Variants in CPNE4 observed in about 807,000 individuals in gnomAD.
The protein encoded by CPNE4 is copine-4.
In CPNE4, 25 loss-of-function variants were observed where a neutral mutation model predicts 67.9. That is an observed-to-expected ratio of 0.37 (90% CI 0.27 to 0.51). The LOEUF (loss-of-function observed/expected upper bound fraction) is 0.51, where lower values mean the gene tolerates loss of function less well. Among genes scored for constraint, CPNE4 ranks in the 20% least tolerant of loss-of-function variants. The probability of loss-of-function intolerance (pLI) is 0.93; values close to 1 mark genes in which losing one functional copy is unlikely to be tolerated. For missense variants in CPNE4, 464 were observed against 690.8 expected (o/e 0.67, Z 3.68); for synonymous variants, 242 against 244.9 (o/e 0.99, Z 0.11).
At chr3:131,887,924 TGA>T (rs10575166) in intron 2 of CPNE4, among the ~76,000 whole-genome samples, 43,751 of 152,022 alleles carry the variant, frequency 0.29, 7,357 homozygotes, top group Non-Finnish European at 0.37. Flanking sequence ...GTCCTTACCC[TGA>T]GAGATTGCCA....
chr3:131,773,348 T>TA, intron 2 of CPNE4, among the ~76,000 whole-genome samples: 1 of 33,480 alleles, frequency 3.0e-5, no homozygotes, highest in Non-Finnish European at 1.1e-4. Flanking sequence ...TGAAGTTTTA[T>TA]TTATTATTTA....
At chr3:131,837,680 C>A (rs1034749220) in intron 2 of CPNE4, among the ~76,000 whole-genome samples, 1 of 151,520 alleles carries the variant, frequency 6.6e-6, no homozygotes, top group African/African-American at 2.4e-5. Context: ...TATATACTAC[C>A]CTCCACCAAA....
At chr3:131,924,589 G>C (rs979830320) in intron 1 of CPNE4, among the ~76,000 whole-genome samples, 1 of 152,126 alleles carries the variant, frequency 6.6e-6, no homozygotes, top group African/African-American at 2.4e-5. Flanking sequence ...TTTAAATAGA[G>C]TAAGGCTTGA....
chr3:132,015,218 A>T (rs147452324), intron 1 of CPNE4, among the ~76,000 whole-genome samples: 261 of 152,076 alleles, frequency 1.7e-3, no homozygotes, highest in African/African-American at 6.1e-3. Context: ...TTTCTTATTT[A>T]TTGGCTCAAA....
intron 2 of CPNE4, among the ~76,000 whole-genome samples, chr3:131,756,480 A>C (rs1243266790): frequency 6.6e-6 from 1 of 152,214 alleles, no homozygotes; most frequent in Non-Finnish European, 1.5e-5. Context: ...GTCATTCCAA[A>C]GTGCCTTCAC....
intron 1 of CPNE4, among the ~76,000 whole-genome samples, chr3:131,916,139 C>T (rs1583450253): frequency 6.6e-6 from 1 of 152,222 alleles, no homozygotes; most frequent in Non-Finnish European, 1.5e-5. Context: ...AAAAAGCAAA[C>T]TTAAATAATG....
intron 2 of CPNE4, among the ~76,000 whole-genome samples, chr3:131,901,511 T>C (rs1369321188): frequency 1.3e-5 from 2 of 152,094 alleles, no homozygotes; most frequent in Non-Finnish European, 2.9e-5. Flanking sequence ...ATAAAAATCA[T>C]GGCCATTATT....
At chr3:131,999,145 T>G (rs2073364713) in intron 1 of CPNE4, among the ~76,000 whole-genome samples, 1 of 147,084 alleles carries the variant, frequency 6.8e-6, no homozygotes, top group African/African-American at 2.6e-5. Context: ...TGCAGAGTAG[T>G]GTAATGCAGG....
chr3:131,540,035 C>T (rs1935387004), intron 15 of CPNE4, among the ~76,000 whole-genome samples: 1 of 152,194 alleles, frequency 6.6e-6, no homozygotes, highest in African/African-American at 2.4e-5. Flanking sequence ...GGGCTTAGTG[C>T]ATCTCTTTCA....
chr3:131,591,395 C>A, intron 7 of CPNE4, among the ~76,000 whole-genome samples: 1 of 152,140 alleles, frequency 6.6e-6, no homozygotes, highest in East Asian at 1.9e-4. Context: ...GAGTTCCCTT[C>A]TTTAGGGGAC....
intron 2 of CPNE4, among the ~76,000 whole-genome samples, chr3:131,903,239 A>G (rs2088617919): frequency 4.6e-5 from 7 of 152,080 alleles, no homozygotes; most frequent in Admixed American, 4.6e-4. Flanking sequence ...AAACAGGTCT[A>G]TTTGTGCTCT....
At chr3:131,547,111 C>A in intron 14 of CPNE4, among the ~76,000 whole-genome samples, 1 of 151,960 alleles carries the variant, frequency 6.6e-6, no homozygotes, top group Non-Finnish European at 1.5e-5. Flanking sequence ...TTGGGGAAGC[C>A]TTTGCAGGGC....
intron 3 of CPNE4, among the ~76,000 whole-genome samples, chr3:131,720,658 G>T (rs1249559159): frequency 4.6e-5 from 7 of 152,106 alleles, no homozygotes; most frequent in Non-Finnish European, 1.0e-4. Context: ...TCATCCACAG[G>T]ATGAAATATC....
intron 2 of CPNE4, among the ~76,000 whole-genome samples, chr3:131,735,291 T>C (rs1373422035): frequency 3.3e-5 from 5 of 152,196 alleles, no homozygotes; most frequent in Non-Finnish European, 2.9e-5. Flanking sequence ...CAGACTGAGA[T>C]GGTGGGCTCA....
At position 131,601,173 on chromosome 3, in the gene CPNE4, T is replaced by C. The variant is rs532613691; in HGVS notation, c.682-13591A>G. On this transcript the variant is annotated intron_variant, in intron 7 of 15. Transcript: ENST00000429747. Reference sequence around the variant, plus strand: ...GGACAACTAGGTAATCATCCTCATATCACTTTGCCTTTGGCTACCCAGTTC... The same window carrying C: ...GGACAACTAGGTAATCATCCTCATACCACTTTGCCTTTGGCTACCCAGTTC... Among the ~76,000 whole-genome samples the C allele has an allele frequency of 2.0e-5, 3 of 152,094 alleles. No individual in the cohort carries two copies. The East Asian group carries it at 5.8e-4, about 29-fold the overall frequency.
At chr3:131,692,857 T>C (rs763405510) in intron 5 of CPNE4, among the ~76,000 whole-genome samples, 11 of 152,218 alleles carry the variant, frequency 7.2e-5, no homozygotes, top group Non-Finnish European at 1.0e-4. Flanking sequence ...CCAATATGAA[T>C]ACTTTCTCAA....
intron 2 of CPNE4, among the ~76,000 whole-genome samples, chr3:131,895,000 A>T (rs551085069): frequency 9.9e-5 from 15 of 152,186 alleles, no homozygotes; most frequent in African/African-American, 3.1e-4. Flanking sequence ...ATAGTGTGAT[A>T]TATTTGCACA....
At chr3:131,652,702 T>C (rs755627070) in intron 7 of CPNE4, among the ~76,000 whole-genome samples, 2 of 152,216 alleles carry the variant, frequency 1.3e-5, no homozygotes, top group African/African-American at 4.8e-5. Flanking sequence ...CTTACATGCA[T>C]GTACACACGC....
At chr3:131,734,637 G>A (rs1479633685) in intron 2 of CPNE4, among the ~76,000 whole-genome samples, 1 of 152,096 alleles carries the variant, frequency 6.6e-6, no homozygotes, top group South Asian at 2.1e-4. Flanking sequence ...TGTAATCCCA[G>A]CACTTTGGGA....
Sources: gnomAD v4.1 joint callset for allele counts (sites outside exome capture counted in the v4.1 genomes callset) on GRCh38, gnomAD v4.1.1 for gene constraint, MANE v1.5 for transcripts, NCBI Gene and HGNC (gene_info 2026-07-23, HGNC 2026-07-21) for gene names.